The following RPSA2 variants were observed in gnomAD, a reference collection of about 807,000 sequenced individuals.
RPSA2 encodes the protein ribosomal protein SA 2, also known as small ribosomal subunit protein uS2B.
At chr19:23,857,619 T>A in the RPSA2 span, among the ~76,000 whole-genome samples, 3 of 150,840 alleles carry the variant, frequency 2.0e-5, no homozygotes, top group African/African-American at 4.9e-5. Context: ...GCCTCCCAAG[T>A]AGTTGGGATT....
the RPSA2 span, chr19:23,843,105 C>T: frequency 6.4e-6 from 1 of 155,792 alleles, no homozygotes; most frequent in Admixed American, 6.3e-5. Context: ...ATTCTCTCCT[C>T]TGTACTAAAC....
the RPSA2 span, among the ~76,000 whole-genome samples, chr19:23,793,008 A>G: frequency 6.6e-6 from 1 of 152,194 alleles, no homozygotes; most frequent in Non-Finnish European, 1.5e-5. Context: ...ATGGTGGCTC[A>G]GACTGAGGGT....
chr19:23,810,198 C>T, the RPSA2 span, among the ~76,000 whole-genome samples: 2 of 151,900 alleles, frequency 1.3e-5, no homozygotes, highest in Non-Finnish European at 2.9e-5. Context: ...TCAAGACCAT[C>T]CTGGCTAACT....
chr19:23,788,489 C>T, the RPSA2 span, among the ~76,000 whole-genome samples: 2 of 152,230 alleles, frequency 1.3e-5, no homozygotes, highest in South Asian at 2.1e-4. Context: ...TTTCTCTTGT[C>T]TGGGCCCTAC....
chr19:23,770,325 C>T, the RPSA2 span, among the ~76,000 whole-genome samples: 2 of 152,186 alleles, frequency 1.3e-5, no homozygotes, highest in African/African-American at 2.4e-5. Flanking sequence ...TCTGCCTAAG[C>T]CCTGCATGCA....
At chr19:23,849,773 CAT>C in the RPSA2 span, among the ~76,000 whole-genome samples, 1 of 152,138 alleles carries the variant, frequency 6.6e-6, no homozygotes, top group African/African-American at 2.4e-5. Flanking sequence ...ATTACTAAAC[CAT>C]ATGAGTCATT....
chr19:23,787,452 T>A, the RPSA2 span, among the ~76,000 whole-genome samples: 3 of 135,670 alleles, frequency 2.2e-5, no homozygotes, highest in Admixed American at 7.3e-5. Context: ...AAAAGAAAAA[T>A]ACGAAAAGCA....
chr19:23,829,844 A>C, the RPSA2 span, among the ~76,000 whole-genome samples: 1 of 152,196 alleles, frequency 6.6e-6, no homozygotes, highest in Non-Finnish European at 1.5e-5. Context: ...AATAATTAAA[A>C]ATGTTTTCTG....
chr19:23,827,093 G>C, the RPSA2 span: 1 of 742,376 alleles, frequency 1.3e-6, no homozygotes, highest in Non-Finnish European at 2.4e-6. Context: ...GCTTTTCCGC[G>C]CTACCTGCAG....
the RPSA2 span, chr19:23,832,468 C>A: frequency 2.0e-6 from 1 of 490,734 alleles, no homozygotes; most frequent in Non-Finnish European, 3.9e-6. Context: ...TGGAGAGAAA[C>A]CCAACAAATC....
At chr19:23,858,842 A>T in the RPSA2 span, among the ~76,000 whole-genome samples, 4 of 152,212 alleles carry the variant, frequency 2.6e-5, no homozygotes. Context: ...CAGGTTTCTC[A>T]TGCACTCTGT....
the RPSA2 span, among the ~76,000 whole-genome samples, chr19:23,767,131 G>A: frequency 1.1e-4 from 16 of 151,834 alleles, no homozygotes; most frequent in Admixed American, 9.2e-4. Context: ...TAGTAGAGAC[G>A]GGGTTTCGCC....
At chr19:23,799,926 T>A in the RPSA2 span, among the ~76,000 whole-genome samples, 1 of 152,246 alleles carries the variant, frequency 6.6e-6, no homozygotes, top group African/African-American at 2.4e-5. Context: ...TTGTGAACTA[T>A]TTATGGTAAC....
the RPSA2 span, among the ~76,000 whole-genome samples, chr19:23,854,250 G>C: frequency 6.6e-6 from 1 of 152,102 alleles, no homozygotes; most frequent in African/African-American, 2.4e-5. Flanking sequence ...CCTAACACCA[G>C]GCCCACTGAA....
chr19:23,804,892 G>A, the RPSA2 span, among the ~76,000 whole-genome samples: 9 of 152,148 alleles, frequency 5.9e-5, no homozygotes, highest in African/African-American at 2.2e-4. Context: ...GCATCTATTT[G>A]TTTTAATTAA....
At chr19:23,832,244 C>G in the RPSA2 span, 1 of 446,718 alleles carries the variant, frequency 2.2e-6, no homozygotes, top group South Asian at 1.7e-5. Flanking sequence ...TGTGGCAAAG[C>G]GTTTACCCAG....
At chr19:23,764,529 G>A in the RPSA2 span, among the ~76,000 whole-genome samples, 1 of 152,056 alleles carries the variant, frequency 6.6e-6, no homozygotes, top group African/African-American at 2.4e-5. Flanking sequence ...GCCCATGCTG[G>A]AGTGCAATGG....
chr19:23,790,952 C>G, the RPSA2 span, among the ~76,000 whole-genome samples: 4 of 152,154 alleles, frequency 2.6e-5, no homozygotes, highest in African/African-American at 7.2e-5. Flanking sequence ...AGGCTGACAG[C>G]CGGGCCCCCG....
At chr19:23,860,987 G>A in the RPSA2 span, among the ~76,000 whole-genome samples, 3 of 146,688 alleles carry the variant, frequency 2.0e-5, no homozygotes, top group African/African-American at 7.6e-5. Context: ...TCCTCTCACT[G>A]TCCTCCAGTA....
Sources: gnomAD v4.1 joint callset for allele counts (sites outside exome capture counted in the v4.1 genomes callset) on GRCh38, gnomAD v4.1.1 for gene constraint, MANE v1.5 for transcripts, NCBI Gene and HGNC (gene_info 2026-07-23, HGNC 2026-07-21) for gene names.